The following EPHA5 variants were observed in gnomAD, a reference collection of about 807,000 sequenced individuals.
EPHA5 encodes the protein EPH receptor A5, also known as ephrin type-A receptor 5.
A neutral mutation model predicts 105.0 loss-of-function variants in EPHA5; 60 were observed. The ratio of observed to expected loss-of-function variants is 0.57; its 90% CI spans 0.46 to 0.71. The LOEUF (loss-of-function observed/expected upper bound fraction) is 0.71, where lower values mean the gene tolerates loss of function less well. Among genes scored for constraint, EPHA5 ranks in the 30% least tolerant of loss-of-function variants. EPHA5 has a pLI of 0.00. For synonymous variants in EPHA5, 513 were observed against 449.1 expected (o/e 1.14, Z -1.80); for missense variants, 1,218 against 1,274.7 (o/e 0.96, Z 0.68).
intron 3 of EPHA5, among the ~76,000 whole-genome samples, chr4:65,578,175 C>T (rs1365140844): frequency 2.6e-5 from 4 of 152,156 alleles, no homozygotes; most frequent in African/African-American, 7.2e-5. Context: ...GATTATTTTC[C>T]GAGTTTCTCA....
intron 11 of EPHA5, among the ~76,000 whole-genome samples, chr4:65,356,059 C>A (rs147558178): frequency 1.3e-5 from 2 of 151,366 alleles, no homozygotes; most frequent in African/African-American, 4.8e-5. Context: ...AGAATATAGT[C>A]GCAGCTTTTC....
chr4:65,611,965 C>T (rs1181198412), intron 2 of EPHA5, among the ~76,000 whole-genome samples: 1 of 133,190 alleles, frequency 7.5e-6, no homozygotes, highest in Non-Finnish European at 1.5e-5. Context: ...TGCAGTGAGC[C>T]GAGATCAGGC....
intron 2 of EPHA5, among the ~76,000 whole-genome samples, chr4:65,629,240 C>G (rs1279804698): frequency 6.6e-6 from 1 of 152,186 alleles, no homozygotes; most frequent in Admixed American, 6.5e-5. Flanking sequence ...AGATGCAGCA[C>G]AAGGACTTTC....
At chr4:65,573,556 A>G (rs1578459967) in intron 3 of EPHA5, 1 of 1,598,336 alleles carries the variant, frequency 6.3e-7, no homozygotes, top group East Asian at 2.2e-5. Context: ...GGTAACCTCA[A>G]AGCTAAAAAG....
intron 3 of EPHA5, among the ~76,000 whole-genome samples, chr4:65,518,212 A>G (rs1734293216): frequency 6.6e-6 from 1 of 151,812 alleles, no homozygotes; most frequent in Non-Finnish European, 1.5e-5. Flanking sequence ...AAGGAGAGTA[A>G]ATTCATATTT....
intron 2 of EPHA5, among the ~76,000 whole-genome samples, chr4:65,636,556 C>T (rs1348083183): frequency 1.3e-5 from 2 of 151,704 alleles, no homozygotes; most frequent in Non-Finnish European, 1.5e-5. Context: ...ATTAAGTGTC[C>T]CTTTGTGCAT....
chr4:65,593,228 T>A (rs1248718369), intron 3 of EPHA5, among the ~76,000 whole-genome samples: 1 of 152,180 alleles, frequency 6.6e-6, no homozygotes, highest in African/African-American at 2.4e-5. Context: ...AATTACCATA[T>A]GTATGATAAA....
chr4:65,579,329 T>G (rs1379388867), intron 3 of EPHA5, among the ~76,000 whole-genome samples: 1 of 144,152 alleles, frequency 6.9e-6, no homozygotes, highest in Non-Finnish European at 1.5e-5. Context: ...GGGAATAACC[T>G]GCATGTGTAA....
rs1734587868 is a variant in EPHA5, at chr4:65,520,545, A to G, written c.911-25002T>C. 3.9e-5 allele frequency among the ~76,000 whole-genome samples: 6 copies of G among 152,218 alleles called. No individual in the cohort carries two copies. In the South Asian group the frequency reaches 1.2e-3, roughly 32 times the overall value. ...GACGAATGGGATCTAATTAAACTAA[A>G]GAGCTTCTGCACAGCAAAAGAAACT... On this transcript the variant is annotated intron_variant, in intron 3 of 16. Transcript: ENST00000613740.
chr4:65,574,729 T>TATATAC (rs1740703449), intron 3 of EPHA5, among the ~76,000 whole-genome samples: 1 of 99,158 alleles, frequency 1.0e-5, no homozygotes, highest in Non-Finnish European at 1.9e-5. Context: ...TACATATATA[T>TATATAC]ACATATATAT....
chr4:65,528,042 T>G (rs1394283006), intron 3 of EPHA5, among the ~76,000 whole-genome samples: 1 of 152,120 alleles, frequency 6.6e-6, no homozygotes, highest in Non-Finnish European at 1.5e-5. Context: ...TTTGTTTTAT[T>G]ATAGGGCTGG....
intron 5 of EPHA5, among the ~76,000 whole-genome samples, chr4:65,468,614 A>ATATAT (rs1378847486): frequency 7.8e-6 from 1 of 128,310 alleles, no homozygotes; most frequent in African/African-American, 3.1e-5. Flanking sequence ...TATATATATT[A>ATATAT]TATATATATG....
intron 2 of EPHA5, among the ~76,000 whole-genome samples, chr4:65,606,399 T>G (rs546238668): frequency 6.6e-6 from 1 of 152,334 alleles, no homozygotes; most frequent in South Asian, 2.1e-4. Context: ...AATAAATAGT[T>G]AAATGTTTTG....
chr4:65,527,315 GA>G (rs1170907703), intron 3 of EPHA5, among the ~76,000 whole-genome samples: 1 of 152,028 alleles, frequency 6.6e-6, no homozygotes, highest in Non-Finnish European at 1.5e-5. Context: ...GACAAACGAT[GA>G]AAAATAATGC....
rs1162719355 is a variant in EPHA5, at chr4:65,341,592, A to AATT, written c.2596-5470_2596-5468dup. On this transcript the variant is annotated intron_variant, in intron 14 of 16. Transcript: ENST00000613740. The stretch of plus-strand genomic sequence containing the variant: ...ATATTATATATATTATATTTATATA[A>AATT]ATTATTGTGTGTGTATATGTATATA... 3.3e-5 allele frequency among the ~76,000 whole-genome samples: 5 copies of AATT among 150,110 alleles called. No homozygotes were observed. The Admixed American group carries it at 3.3e-4, about 10-fold the overall frequency.
At chr4:65,394,847 A>G (rs1006724924) in intron 8 of EPHA5, among the ~76,000 whole-genome samples, 1 of 152,100 alleles carries the variant, frequency 6.6e-6, no homozygotes, top group African/African-American at 2.4e-5. Context: ...ATAATGATAT[A>G]CTTATCATTA....
chr4:65,436,948 A>G (rs993700023), intron 5 of EPHA5, among the ~76,000 whole-genome samples: 2 of 152,024 alleles, frequency 1.3e-5, no homozygotes, highest in African/African-American at 4.8e-5. Flanking sequence ...ATAATAACAT[A>G]GTAGGGAAGA....
chr4:65,420,336 T>C lies in EPHA5; in HGVS notation c.1527+105A>G, dbSNP rs915488071. The C allele has an allele frequency of 8.0e-6, 9 of 1,129,274 alleles. No individual in the cohort carries two copies. The African/African-American group carries it at 1.4e-4, about 18-fold the overall frequency. 70.0% of individuals were successfully genotyped at this position (1,129,274 alleles called of 1,614,324 possible). A position where few individuals can be genotyped will look rare whatever the true frequency, so the allele number is the denominator to read the frequency against. ...TGACTGCAGAATCAATTGTCATTGATTTACACATAAAATTGCAACATACTC... is the reference window on the plus strand; with the variant it reads ...TGACTGCAGAATCAATTGTCATTGACTTACACATAAAATTGCAACATACTC... On this transcript the variant is annotated intron_variant, in intron 6 of 16. Transcript: ENST00000613740.
chr4:65,475,087 C>A (rs965790210), intron 5 of EPHA5, among the ~76,000 whole-genome samples: 3 of 152,142 alleles, frequency 2.0e-5, no homozygotes, highest in Admixed American at 2.0e-4. Flanking sequence ...TCTATATTGT[C>A]ACTCAAAGGT....
Sources: allele counts gnomAD v4.1 joint callset (sites outside exome capture counted in the v4.1 genomes callset), GRCh38; gene constraint gnomAD v4.1.1; transcripts MANE v1.5; gene names NCBI Gene and HGNC (gene_info 2026-07-23, HGNC 2026-07-21).